The following AKR1B1 variants were observed in gnomAD, a reference collection of about 807,000 sequenced individuals.
The protein encoded by AKR1B1 is aldo-keto reductase family 1 member B1.
AKR1B1 carries 22 observed loss-of-function variants against 40.4 expected under a neutral mutation model. The observed-to-expected ratio is 0.54, with a 90% CI of 0.39 to 0.78. The LOEUF (loss-of-function observed/expected upper bound fraction) is 0.78. AKR1B1 is among the 30% of genes least tolerant of loss of function. AKR1B1 has a pLI of 0.00. For missense variants in AKR1B1, 357 were observed against 396.7 expected, an observed-to-expected ratio of 0.90 and a Z score of 0.85; for synonymous variants, 157 against 149.9, an observed-to-expected ratio of 1.05 and a Z score of -0.35.
chr7:134,443,168 C>T (rs939360994), intron 9 of AKR1B1, among the ~76,000 whole-genome samples: 23 of 152,206 alleles, frequency 1.5e-4, no homozygotes, highest in Non-Finnish European at 2.9e-5. Flanking sequence ...CGCCTGTAAT[C>T]CCAGGCTGAA....
chr7:134,443,137 C>T (rs1175130173), intron 9 of AKR1B1, among the ~76,000 whole-genome samples: 2 of 152,250 alleles, frequency 1.3e-5, no homozygotes, highest in Non-Finnish European at 2.9e-5. Context: ...TATGAGAAGG[C>T]AGGCCAGACA....
At chr7:134,457,420 T>C (rs1806504271) in intron 1 of AKR1B1, among the ~76,000 whole-genome samples, 1 of 152,184 alleles carries the variant, frequency 6.6e-6, no homozygotes. Context: ...CAGATGGAAA[T>C]TAGCTTGGTG....
chr7:134,449,264 C>A, intron 4 of AKR1B1, 145 bp from the exon 5 acceptor site: 2 of 1,224,712 alleles, frequency 1.6e-6, no homozygotes, highest in Non-Finnish European at 2.4e-6. Flanking sequence ...GACAGTGAGA[C>A]GAAAGCCAGG....
chr7:134,452,506 C>T (rs181205166), intron 1 of AKR1B1, among the ~76,000 whole-genome samples: 134 of 152,310 alleles, frequency 8.8e-4, no homozygotes, highest in African/African-American at 3.1e-3. Flanking sequence ...ATGGCCAAGC[C>T]ACCTGACCAT....
rs1396604287 is a variant in AKR1B1 at position 134,451,622 on chromosome 7, C to T, written c.198G>A (p.Gln66=). The change falls in exon 2 of 10, where the codon CAG becomes CAA. Residue 66 remains glutamine, a synonymous_variant. Transcript: ENST00000285930. ...GVAIQEKLRE[Q]VVKREELFIV... is the part of the protein sequence containing the mutation. ...TGAAGAGCTCCTCACGCTTCACCAC[C>T]TGCTCCCTGAGCTTCTCCTGAATGG... is the stretch of plus-strand genomic sequence containing the variant. 1.4e-5 allele frequency: 23 copies of T among 1,614,092 alleles called. No homozygotes were observed. Among genetic ancestry groups the T allele is most frequent in the Non-Finnish European group, 1.9e-5 (23 of 1,180,046 alleles).
intron 1 of AKR1B1, 26 bp downstream of exon 1, chr7:134,458,971 G>A (rs1261614709): frequency 1.3e-6 from 2 of 1,597,058 alleles, no homozygotes; most frequent in Non-Finnish European, 1.7e-6. Context: ...GGCGAGCCCC[G>A]GGCCCGCGCC....
chr7:134,453,771 T>C (rs1806366403), intron 1 of AKR1B1, among the ~76,000 whole-genome samples: 1 of 152,130 alleles, frequency 6.6e-6, no homozygotes, highest in Admixed American at 6.5e-5. Flanking sequence ...TCAAAGGTGC[T>C]GGAGGGAAAA....
At chr7:134,446,451 C>T (rs1239700252) in intron 8 of AKR1B1, among the ~76,000 whole-genome samples, 1 of 152,352 alleles carries the variant, frequency 6.6e-6, no homozygotes, top group East Asian at 1.9e-4. Flanking sequence ...GAGCCCCAGG[C>T]CCATGGCTGT....
At chr7:134,451,029 G>A (rs1327016477) in intron 2 of AKR1B1, 127 bp from the exon 3 acceptor site, 2 of 790,942 alleles carry the variant, frequency 2.5e-6, no homozygotes, top group African/African-American at 1.7e-5. Context: ...TGGTTGTGAG[G>A]GCATTTCCAC....
intron 5 of AKR1B1, 63 bp from the exon 6 acceptor site, chr7:134,448,556 G>A (rs1282671279): frequency 1.6e-6 from 2 of 1,269,402 alleles, no homozygotes; most frequent in African/African-American, 1.5e-5. Context: ...GGACACAGAT[G>A]AAGCTTCCTA....
At chr7:134,447,798 A>G in intron 7 of AKR1B1, 182 bp downstream of exon 7, 2 of 702,176 alleles carry the variant, frequency 2.8e-6, no homozygotes, top group Non-Finnish European at 5.2e-6. Flanking sequence ...CTATTAATCT[A>G]AGAGCCCATG....
Position 134,451,655 on chromosome 7 carries a change from C to T in AKR1B1, c.165G>A (p.Val55=). The T allele has an allele frequency of 6.2e-7, 1 of 1,614,196 alleles. No homozygotes were observed. The highest frequency in any genetic ancestry group is 1.7e-5 in the Admixed American group (1 of 60,024). ...TGAGCTTCTCCTGAATGGCCACCCC[C>T]ACCTCATTCTCATTCTGGTACACAT... ...CAHVYQNENE[V]GVAIQEKLRE... Residue 55 remains valine, a synonymous_variant, in exon 2 of 10, where the codon GTG becomes GTA. Transcript: ENST00000285930.
Position 134,449,071 on chromosome 7 carries a change from A to T in AKR1B1, c.478T>A (p.Ser160Thr). 2 of 1,614,106 alleles carry T rather than the reference A, an allele frequency of 1.2e-6. No individual in the cohort carries two copies. Among genetic ancestry groups the T allele is most frequent in the Non-Finnish European group, 1.7e-6 (2 of 1,179,982 alleles). The change falls in exon 5 of 10, where the codon TCC becomes ACC. Residue 160 changes from serine (S) to threonine (T), a missense_variant. By Grantham distance (58) the Ser-to-Thr change is moderately conservative. Transcript: ENST00000285930. ...DEGLVKAIGI[S>T]NFNHLQVEMI... is the part of the protein sequence containing the mutation. ...TCCACCTGGAGATGGTTGAAGTTGG[A>T]GATGCCAATAGCTTTCACCAGCCCT... is the stretch of plus-strand genomic sequence containing the variant.
chr7:134,442,982 ATG>A (rs1805984176), intron 9 of AKR1B1, among the ~76,000 whole-genome samples: 1 of 152,194 alleles, frequency 6.6e-6, no homozygotes, highest in South Asian at 2.1e-4. Context: ...CAAGCAGCAC[ATG>A]TGTGAGGGAC....
At chr7:134,444,114 AAGG>A (rs1806023798) in intron 9 of AKR1B1, among the ~76,000 whole-genome samples, 2 of 152,210 alleles carry the variant, frequency 1.3e-5, no homozygotes, top group Admixed American at 6.5e-5. Context: ...GAGATTCTGA[AAGG>A]AGAACGAATG....
intron 6 of AKR1B1, 112 bp from the exon 7 acceptor site, chr7:134,448,173 C>T: frequency 1.0e-6 from 1 of 1,001,358 alleles, no homozygotes; most frequent in African/African-American, 1.6e-5. Flanking sequence ...CCAGTCTCCT[C>T]CTCAGAGCTG....
At chr7:134,452,943 C>G (rs562480093) in intron 1 of AKR1B1, among the ~76,000 whole-genome samples, 13 of 152,252 alleles carry the variant, frequency 8.5e-5, no homozygotes, top group Middle Eastern at 3.4e-3. Flanking sequence ...AGGGGACGAC[C>G]CTCAGAGGAC....
rs533974294 is a variant in AKR1B1 at position 134,452,206 on chromosome 7, C to T, written c.67-453G>A. 1.1e-4 allele frequency among the ~76,000 whole-genome samples: 17 copies of T among 152,320 alleles called. No individual in the cohort carries two copies. In the South Asian group the frequency reaches 1.4e-3, roughly 13 times the overall value. On this transcript the variant is annotated intron_variant, in intron 1 of 9. Transcript: ENST00000285930. The stretch of plus-strand genomic sequence containing the variant: ...CCCCAGTTCAGCCAGTGAATGCCTG[C>T]CCCTTACGCTCTCTTTTCATGCATG...
At position 134,448,477 on chromosome 7, in the gene AKR1B1, T is replaced by C; in HGVS notation, c.569A>G (p.Tyr190Cys). The C allele has an allele frequency of 1.9e-6, 3 of 1,613,868 alleles. No homozygotes were observed. The highest frequency in any genetic ancestry group is 2.2e-5 in the East Asian group (1 of 44,868). ...CTGGATTAACTTCTCCTGAGTGAGATATGGGTGGCACTCAATCTGCAAATG... is the reference window on the plus strand; with the variant it reads ...CTGGATTAACTTCTCCTGAGTGAGACATGGGTGGCACTCAATCTGCAAATG... ...PAVNQIECHP[Y>C]LTQEKLIQYC... Residue 190 changes from tyrosine to cysteine, a missense_variant, in exon 6 of 10, where the codon TAT becomes TGT. By Grantham distance (194) the Tyr-to-Cys change is radical. Transcript: ENST00000285930.
Sources: gnomAD v4.1 joint callset for allele counts (sites outside exome capture counted in the v4.1 genomes callset) on GRCh38, gnomAD v4.1.1 for gene constraint, MANE v1.5 for transcripts, NCBI Gene and HGNC (gene_info 2026-07-23, HGNC 2026-07-21) for gene names.